PDZRN4: variants seen among roughly 807,000 people sequenced by gnomAD.
PDZRN4 encodes the protein PDZ domain-containing RING finger protein 4.
Under a neutral mutation model 99.0 loss-of-function variants are expected in PDZRN4, and 70 were observed. The observed-to-expected ratio is 0.71, with a 90% CI of 0.58 to 0.86. PDZRN4 has a LOEUF of 0.86. Ranked by LOEUF, PDZRN4 falls within the 40% of genes least tolerant of loss-of-function variation. PDZRN4 has a pLI of 0.00. For synonymous variants in PDZRN4, 551 were observed against 501.6 expected (o/e 1.10, Z -1.32); for missense variants, 1,474 against 1,331.2 (o/e 1.11, Z -1.67).
intron 3 of PDZRN4, among the ~76,000 whole-genome samples, chr12:41,259,812 G>T (rs949949178): frequency 6.6e-6 from 1 of 152,040 alleles, no homozygotes; most frequent in Admixed American, 6.5e-5. Flanking sequence ...CTCTCTTTTA[G>T]ATATCTTCAT....
intron 3 of PDZRN4, among the ~76,000 whole-genome samples, chr12:41,309,668 T>C (rs1477658797): frequency 6.6e-6 from 1 of 152,096 alleles, no homozygotes; most frequent in African/African-American, 2.4e-5. Flanking sequence ...GGCTGTAATA[T>C]GTAAAGCCTT....
At chr12:41,204,697 A>T (rs923394362) in intron 3 of PDZRN4, among the ~76,000 whole-genome samples, 1 of 152,036 alleles carries the variant, frequency 6.6e-6, no homozygotes, top group African/African-American at 2.4e-5. Flanking sequence ...CACCCCCGTG[A>T]TTCAGTTACC....
rs565066964 is a variant in PDZRN4 at position 41,507,019 on chromosome 12, AAC to A, written c.1100+310_1100+311del. Among the ~76,000 whole-genome samples, 109 of 152,112 alleles carry A rather than the reference AAC, an allele frequency of 7.2e-4. 1 individual carries two copies. Among genetic ancestry groups the A allele is most frequent in the Non-Finnish European group, 1.3e-3 (88 of 68,008 alleles). On this transcript the variant is annotated intron_variant, in intron 4 of 9. Transcript: ENST00000402685. Reference sequence around the variant, plus strand: ...TGTCAAAAGCCTCATGCTACTCATGAACACTGGTCAGGGAAATCACTTTTCTC... The same window carrying A: ...TGTCAAAAGCCTCATGCTACTCATGAACTGGTCAGGGAAATCACTTTTCTC...
Position 41,508,064 on chromosome 12 carries a change from A to G in PDZRN4, c.1100+1352A>G, listed in dbSNP as rs77879174. ...TTAACATGCTTTCAGTATTATTCCA[A>G]ACGTTTTGCATTTATTGACTCATTT... On this transcript the variant is annotated intron_variant, in intron 4 of 9. Transcript: ENST00000402685. 7.2e-5 allele frequency among the ~76,000 whole-genome samples: 11 copies of G among 152,290 alleles called. No homozygotes were observed. In the East Asian group the frequency reaches 1.2e-3, roughly 16 times the overall value.
At chr12:41,553,710 A>G (rs1180028338) in intron 6 of PDZRN4, among the ~76,000 whole-genome samples, 1 of 152,098 alleles carries the variant, frequency 6.6e-6, no homozygotes, top group Non-Finnish European at 1.5e-5. Context: ...GTCTCTAAAT[A>G]TAAATAAATT....
rs142413205 is a variant in PDZRN4, at chr12:41,343,422, A to G, written c.843+149234A>G. 9.1e-4 allele frequency among the ~76,000 whole-genome samples: 138 copies of G among 151,910 alleles called. 1 individual carries two copies. The East Asian group carries it at 0.022, about 24-fold the overall frequency. On this transcript the variant is annotated intron_variant, in intron 3 of 9. Coordinates refer to ENST00000402685, the MANE Select transcript of PDZRN4 (RefSeq NM_001164595.2). Reference sequence around the variant, plus strand: ...TCTTTTTGTTTCATTTACATTTTGTATTTTTTTGTTTCAATTTCTTTTAGT... The same window carrying G: ...TCTTTTTGTTTCATTTACATTTTGTGTTTTTTTGTTTCAATTTCTTTTAGT...
intron 3 of PDZRN4, among the ~76,000 whole-genome samples, chr12:41,205,854 C>T (rs186123770): frequency 5.7e-4 from 87 of 151,990 alleles, no homozygotes; most frequent in African/African-American, 2.0e-3. Context: ...GCATAGCAGG[C>T]TCCCCAAAAC....
intron 3 of PDZRN4, among the ~76,000 whole-genome samples, chr12:41,245,292 T>C (rs1217145798): frequency 3.3e-5 from 5 of 152,206 alleles, no homozygotes; most frequent in Admixed American, 3.3e-4. Context: ...AGGCATTTAA[T>C]ACAAATTTGT....
At chr12:41,464,894 A>G (rs1456220193) in intron 3 of PDZRN4, among the ~76,000 whole-genome samples, 2 of 141,082 alleles carry the variant, frequency 1.4e-5, no homozygotes, top group Non-Finnish European at 3.0e-5. Flanking sequence ...GCGTGATCTC[A>G]GCTCACTGCA....
intron 3 of PDZRN4, among the ~76,000 whole-genome samples, chr12:41,482,289 A>G (rs1197719845): frequency 1.3e-5 from 2 of 152,216 alleles, no homozygotes; most frequent in African/African-American, 4.8e-5. Flanking sequence ...ATGCCTCAGC[A>G]GATTCCCACA....
chr12:41,231,037 G>A (rs113362994), intron 3 of PDZRN4, among the ~76,000 whole-genome samples: 6 of 152,058 alleles, frequency 3.9e-5, no homozygotes, highest in Non-Finnish European at 8.8e-5. Flanking sequence ...GTAGGTGTGT[G>A]TGTACACACG....
intron 3 of PDZRN4, among the ~76,000 whole-genome samples, chr12:41,317,072 A>ATATATATATATATATATG (rs1196447279): frequency 7.0e-6 from 1 of 143,080 alleles, no homozygotes; most frequent in Admixed American, 7.0e-5. Flanking sequence ...ATATATATAT[A>ATATATATATATATATATG]TAGTATATTT....
At chr12:41,532,865 G>T (rs1447440890) in intron 5 of PDZRN4, among the ~76,000 whole-genome samples, 1 of 152,038 alleles carries the variant, frequency 6.6e-6, no homozygotes, top group Non-Finnish European at 1.5e-5. Context: ...TAATGTTTTT[G>T]CTATTATTAT....
chr12:41,454,099 A>T (rs1428257347), intron 3 of PDZRN4, among the ~76,000 whole-genome samples: 1 of 151,712 alleles, frequency 6.6e-6, no homozygotes, highest in East Asian at 1.9e-4. Context: ...GATAGCCAAT[A>T]ATTAAATTGA....
chr12:41,388,904 T>G (rs908858597), intron 3 of PDZRN4, among the ~76,000 whole-genome samples: 1 of 152,206 alleles, frequency 6.6e-6, no homozygotes, highest in African/African-American at 2.4e-5. Context: ...GACAGTGTAC[T>G]ATGTCTTCTT....
At chr12:41,545,491 C>CCCAT (rs1359036475) in intron 5 of PDZRN4, among the ~76,000 whole-genome samples, 1 of 149,338 alleles carries the variant, frequency 6.7e-6, no homozygotes, top group Non-Finnish European at 1.5e-5. Context: ...TCTGCCCCAG[C>CCCAT]CCATATTGAT....
intron 3 of PDZRN4, among the ~76,000 whole-genome samples, chr12:41,494,398 G>A (rs1387145704): frequency 6.6e-6 from 1 of 151,860 alleles, no homozygotes; most frequent in African/African-American, 2.4e-5. Flanking sequence ...GCACCTCTAG[G>A]GGCAGATAGT....
At chr12:41,216,494 AT>A (rs2120712751) in intron 3 of PDZRN4, among the ~76,000 whole-genome samples, 1 of 152,172 alleles carries the variant, frequency 6.6e-6, no homozygotes, top group South Asian at 2.1e-4. Flanking sequence ...TCCTAAAACA[AT>A]TTTAGCTGTA....
At chr12:41,215,836 C>T (rs1044382725) in intron 3 of PDZRN4, among the ~76,000 whole-genome samples, 12 of 134,342 alleles carry the variant, frequency 8.9e-5, no homozygotes, top group South Asian at 8.0e-4. Flanking sequence ...CTCATAAACA[C>T]GCTAAGCCTC....
Sources: allele counts gnomAD v4.1 joint callset (sites outside exome capture counted in the v4.1 genomes callset), GRCh38; gene constraint gnomAD v4.1.1; transcripts MANE v1.5; gene names NCBI Gene and HGNC (gene_info 2026-07-23, HGNC 2026-07-21).